Variants in VPS16 observed in about 807,000 individuals in gnomAD.
VPS16 encodes the protein vacuolar protein sorting-associated protein 16 homolog.
A neutral mutation model predicts 116.0 loss-of-function variants in VPS16; 82 were observed. The observed-to-expected ratio is 0.71, with a 90% CI of 0.59 to 0.85. The LOEUF (loss-of-function observed/expected upper bound fraction) is 0.85. Among genes scored for constraint, VPS16 ranks in the 40% least tolerant of loss-of-function variants. VPS16 has a pLI of 0.00. For synonymous variants in VPS16, 406 were observed against 420.7 expected, an observed-to-expected ratio of 0.96 and a Z score of 0.43; for missense variants, 928 against 1,090.6, an observed-to-expected ratio of 0.85 and a Z score of 2.10.
Position 2,860,233 on chromosome 20 carries a change from C to G in VPS16, c.241-6C>G. 6.2e-7 allele frequency: 1 copy of G among 1,614,066 alleles called. No homozygotes were observed. On this transcript the variant is annotated splice_region_variant and splice_polypyrimidine_tract_variant and intron_variant, in intron 3 of 23. Coordinates refer to ENST00000380445, the MANE Select transcript of VPS16 (RefSeq NM_022575.4). This position sits in a 1 kb window ranked among gnomAD's most constrained non-coding sequence, Gnocchi z 6.1. ...GGACAGCCTTAGGAACCTCTCTCCC[C>G]TGCAGTGGAAGAGTGGACCCGTGGT...
chr20:2,865,184 C>A lies in VPS16; in HGVS notation c.2041C>A (p.Arg681=). ...TCAAATGCGGCTCCTACGGCTGCAG[C>A]GGCGCCTAGAAGACGAGCTGGGGGG... The part of the protein sequence containing the change: ...EDQMRLLRLQ[R]RLEDELGGQF... Residue 681 remains arginine, a synonymous_variant, in exon 21 of 24, where the codon CGG becomes AGG. Transcript: ENST00000380445. The surrounding 1 kb of genome is among the most constrained non-coding windows in gnomAD (Gnocchi z 5.2). The A allele has an allele frequency of 6.2e-7, 1 of 1,614,156 alleles. No individual in the cohort carries two copies. The highest frequency in any genetic ancestry group is 8.5e-7 in the Non-Finnish European group (1 of 1,180,020).
chr20:2,857,968 A>G (rs116720281), intron 1 of VPS16, among the ~76,000 whole-genome samples: 3,101 of 152,102 alleles, frequency 0.02, 101 homozygotes, highest in African/African-American at 0.07. Context: ...ACCTCACCTC[A>G]AAAAGTTGTA....
chr20:2,861,275 G>A lies in VPS16; in HGVS notation c.804G>A (p.Met268Ile). 6.2e-7 allele frequency: 1 copy of A among 1,614,116 alleles called. No individual in the cohort carries two copies. Among genetic ancestry groups the A allele is most frequent in the Non-Finnish European group, 8.5e-7 (1 of 1,180,028 alleles). ...NCNIRAPPKQMVWCSRPRSKE... is the reference protein window; with the variant it reads ...NCNIRAPPKQIVWCSRPRSKE... Reference sequence around the variant, plus strand: ...ACATCCGGGCACCTCCAAAGCAGATGGTCTGGTAAGGATGGGGGTGTTATT... The same window carrying A: ...ACATCCGGGCACCTCCAAAGCAGATAGTCTGGTAAGGATGGGGGTGTTATT... Residue 268 changes from methionine (M) to isoleucine (I), a missense_variant, in exon 8 of 24, where the codon ATG becomes ATA. Met to Ile is a conservative substitution (Grantham distance 10, BLOSUM62 1). Transcript: ENST00000380445.
Position 2,864,246 on chromosome 20 carries a change from T to C in VPS16, c.1679T>C (p.Leu560Pro), listed in dbSNP as rs2089286994. Residue 560 changes from leucine to proline, a missense_variant, in exon 17 of 24, where the codon CTG becomes CCG. Transcript: ENST00000380445. The surrounding 1 kb of genome is among the most constrained non-coding windows in gnomAD (Gnocchi z 5.2). ...PLLLKMKRSK[L>P]ALSKAIESGD... ...CTCCTAAAGATGAAGAGGAGCAAAC[T>C]GGCACTAAGCAAGGCCATCGAGAGC... The C allele has an allele frequency of 2.5e-6, 4 of 1,614,184 alleles. No individual in the cohort carries two copies. Among genetic ancestry groups the C allele is most frequent in the Non-Finnish European group, 3.4e-6 (4 of 1,180,022 alleles).
chr20:2,862,953 G>A lies in VPS16; in HGVS notation c.1331+19G>A, dbSNP rs963262634. 6.2e-6 allele frequency: 10 copies of A among 1,613,594 alleles called. No individual in the cohort carries two copies. The highest frequency in any genetic ancestry group is 3.3e-5 in the South Asian group (3 of 91,090). The stretch of plus-strand genomic sequence containing the variant: ...ATAGCCAGTATCCCTGTGCACGCCA[G>A]AAGGGTACCCTACAGCCAGGGGTGG... On this transcript the variant is annotated intron_variant, in intron 13 of 23. Transcript: ENST00000380445.
rs778491613 is a variant in VPS16, at chr20:2,862,057, C to A, written c.998C>A (p.Ala333Asp). The A allele has an allele frequency of 1.9e-6, 3 of 1,613,800 alleles. No individual in the cohort carries two copies. In the South Asian group the frequency reaches 3.3e-5, roughly 18 times the overall value. Residue 333 changes from alanine (A) to aspartate (D), a missense_variant, in exon 11 of 24, where the codon GCC becomes GAC. Ala to Asp is a moderately radical substitution (Grantham distance 126). Coordinates refer to ENST00000380445, the MANE Select transcript of VPS16 (RefSeq NM_022575.4). ...ACTCACCAACTCCCTTCCCCAGCGGCCAGCGAGGAAATCTTCAAAATTGCC... is the reference window on the plus strand; with the variant it reads ...ACTCACCAACTCCCTTCCCCAGCGGACAGCGAGGAAATCTTCAAAATTGCC... ...THEFLHEVPA[A>D]SEEIFKIASM...
chr20:2,850,978 A>C (rs570133029), intron 1 of VPS16, among the ~76,000 whole-genome samples: 10 of 151,050 alleles, frequency 6.6e-5, no homozygotes, highest in Admixed American at 1.3e-4. Context: ...AAAAAAAAAA[A>C]AAAAAGAAAA....
At position 2,840,882 on chromosome 20, in the gene VPS16, C is replaced by T. The variant is rs114441777; in HGVS notation, c.53+55C>T. Reference sequence around the variant, plus strand: ...CTGGCTTACCCTGCTCGCCCGCCGGCTGGAGTCTCCCGGCGGCGTTCGCCC... The same window carrying T: ...CTGGCTTACCCTGCTCGCCCGCCGGTTGGAGTCTCCCGGCGGCGTTCGCCC... On this transcript the variant is annotated intron_variant, in intron 1 of 23. Coordinates refer to ENST00000380445, the MANE Select transcript of VPS16 (RefSeq NM_022575.4). 0.012 allele frequency: 17,669 copies of T among 1,496,706 alleles called. 255 individuals carry two copies. Among genetic ancestry groups the T allele is most frequent in the African/African-American group, 0.058 (4,147 of 71,454 alleles). The allele number at this position is 1,496,706 out of a possible 1,614,324, so 92.7% of individuals were successfully genotyped here.
At chr20:2,848,074 T>C (rs2089079793) in intron 1 of VPS16, among the ~76,000 whole-genome samples, 1 of 152,104 alleles carries the variant, frequency 6.6e-6, no homozygotes, top group Non-Finnish European at 1.5e-5. Flanking sequence ...TCACCACCTC[T>C]GTACATGTAC....
chr20:2,854,264 C>CACACACACACACACACACACACAA lies in VPS16; in HGVS notation c.54-5454_54-5453insCACACACACACACACACACACAAA, dbSNP rs1359113049. 2.8e-3 allele frequency among the ~76,000 whole-genome samples: 422 copies of CACACACACACACACACACACACAA among 150,078 alleles called. 3 individuals carry two copies. Among genetic ancestry groups the CACACACACACACACACACACACAA allele is most frequent in the African/African-American group, 9.8e-3 (397 of 40,570 alleles). On this transcript the variant is annotated intron_variant, in intron 1 of 23. Transcript: ENST00000380445. ...ACACACACACACACACACACACACACAAATTTTTTAGCCAAGTGCACTAGC... is the reference window on the plus strand; with the variant it reads ...ACACACACACACACACACACACACACACACACACACACACACACACACAAAAATTTTTTAGCCAAGTGCACTAGC...
chr20:2,851,925 G>A (rs377137328), intron 1 of VPS16, among the ~76,000 whole-genome samples: 157 of 152,260 alleles, frequency 1.0e-3, no homozygotes, highest in African/African-American at 3.7e-3. Flanking sequence ...AGCCGAGATC[G>A]TGCCACTGTA....
chr20:2,866,370 A>G, intron 23 of VPS16, 55 bp downstream of exon 23: 1 of 1,614,018 alleles, frequency 6.2e-7, no homozygotes. Context: ...GGCTGGTGAG[A>G]GGCAGGGTTT....
intron 1 of VPS16, among the ~76,000 whole-genome samples, chr20:2,852,457 A>ATC (rs1035467376): frequency 3.1e-4 from 47 of 152,150 alleles, no homozygotes; most frequent in African/African-American, 9.9e-4. Flanking sequence ...TTCCTATCAG[A>ATC]TGTTTTTTCA....
At chr20:2,847,735 C>T (rs975381804) in intron 1 of VPS16, among the ~76,000 whole-genome samples, 3 of 151,948 alleles carry the variant, frequency 2.0e-5, no homozygotes, top group Admixed American at 6.5e-5. Context: ...TCTCGGCCTC[C>T]GGAAGTGCTA....
At chr20:2,857,176 CA>C (rs1432730242) in intron 1 of VPS16, among the ~76,000 whole-genome samples, 1 of 152,114 alleles carries the variant, frequency 6.6e-6, no homozygotes, top group Non-Finnish European at 1.5e-5. Flanking sequence ...GGGGTTTCAC[CA>C]TGTTGGCCAT....
rs1296920975 is a variant in VPS16 at position 2,865,735 on chromosome 20, C to T, written c.2271+240C>T. Among the ~76,000 whole-genome samples the T allele has an allele frequency of 1.3e-5, 2 of 152,178 alleles. No individual in the cohort carries two copies. Among genetic ancestry groups the T allele is most frequent in the African/African-American group, 4.8e-5 (2 of 41,432 alleles). On this transcript the variant is annotated intron_variant, in intron 22 of 23. Coordinates refer to ENST00000380445, the MANE Select transcript of VPS16 (RefSeq NM_022575.4). This position sits in a 1 kb window ranked among gnomAD's most constrained non-coding sequence, Gnocchi z 5.2. ...GGGAGAGAGAATGAGCTGCTTTCCC[C>T]AGGGAGGGCCACAGGGGGCACTATG...
intron 1 of VPS16, among the ~76,000 whole-genome samples, chr20:2,842,461 G>A (rs893408948): frequency 6.6e-6 from 1 of 151,902 alleles, no homozygotes; most frequent in African/African-American, 2.4e-5. Flanking sequence ...ACAAAAATTA[G>A]CCAGGCATAA....
In VPS16 at chr20:2,865,526, C is replaced by G. The variant is rs1369406838; in HGVS notation, c.2271+31C>G. The G allele has an allele frequency of 6.3e-7, 1 of 1,598,458 alleles. No homozygotes were observed. The highest frequency in any genetic ancestry group is 1.7e-5 in the Admixed American group (1 of 59,358). ...GCAGGGTCCTCCCTCCAGCCCACTT[C>G]CAGTGAGGGTAGTCTTCGGGAGAGA... On this transcript the variant is annotated intron_variant, in intron 22 of 23. Transcript: ENST00000380445. The surrounding 1 kb of genome is among the most constrained non-coding windows in gnomAD (Gnocchi z 5.2).
chr20:2,840,817 G>A lies in VPS16; in HGVS notation c.43G>A (p.Ala15Thr), dbSNP rs1475505187. ...GAACTGGAACCCACTCGGGGACTCTGCCTTTTACCGGTGAGCTGCCCCGCC... is the reference window on the plus strand; with the variant it reads ...GAACTGGAACCCACTCGGGGACTCTACCTTTTACCGGTGAGCTGCCCCGCC... ...TANWNPLGDS[A>T]FYRKYELYSM... Residue 15 changes from alanine to threonine, a missense_variant, in exon 1 of 24, where the codon GCC becomes ACC. Transcript: ENST00000380445. The A allele has an allele frequency of 1.3e-6, 2 of 1,547,956 alleles. No individual in the cohort carries two copies. The highest frequency in any genetic ancestry group is 2.0e-5 in the Admixed American group (1 of 50,978).
Sources: gnomAD v4.1 joint callset for allele counts (sites outside exome capture counted in the v4.1 genomes callset) on GRCh38, gnomAD v4.1.1 for gene constraint, Gnocchi (gnomAD v3.1) non-coding constraint, MANE v1.5 for transcripts, NCBI Gene and HGNC (gene_info 2026-07-23, HGNC 2026-07-21) for gene names.